Variants in FGGY observed in about 807,000 individuals in gnomAD.
FGGY encodes the protein FGGY carbohydrate kinase domain-containing protein.
FGGY carries 72 observed loss-of-function variants against 71.3 expected under a neutral mutation model. The ratio of observed to expected loss-of-function variants is 1.01; its 90% confidence interval spans 0.84 to 1.23. The LOEUF (loss-of-function observed/expected upper bound fraction) is 1.23, where lower values mean the gene tolerates loss of function less well. Among genes scored for constraint, FGGY ranks in the 50% most tolerant of loss-of-function variants. The probability of loss-of-function intolerance (pLI) is 0.00; values close to 1 mark genes in which losing one functional copy is unlikely to be tolerated. For missense variants in FGGY, 668 were observed against 682.3 expected, an observed-to-expected ratio of 0.98 and a Z score of 0.23; for synonymous variants, 251 against 250.3, an observed-to-expected ratio of 1.00 and a Z score of -0.02.
intron 10 of FGGY, among the ~76,000 whole-genome samples, chr1:59,636,679 GA>G (rs1212581881): frequency 1.3e-5 from 2 of 151,718 alleles, no homozygotes; most frequent in African/African-American, 2.4e-5. Context: ...GGTAAATGGG[GA>G]AAAAAAGAGA....
In FGGY at chr1:59,346,535, A is replaced by G. The variant is rs1042629369; in HGVS notation, c.465+137A>G. The stretch of plus-strand genomic sequence containing the variant: ...AGCAACTAGGAGGAAGGTTGATCCC[A>G]TTTTATTGATTACAGTGTAGTTAAA... On this transcript the variant is annotated intron_variant, in intron 4 of 15. Transcript: ENST00000303721. 4.3e-6 allele frequency: 4 copies of G among 924,094 alleles called. No individual in the cohort carries two copies. The African/African-American group carries it at 6.7e-5, about 15-fold the overall frequency. The allele number at this position is 924,094 out of a possible 1,614,324, so 57.2% of individuals were successfully genotyped here.
intron 5 of FGGY, among the ~76,000 whole-genome samples, chr1:59,435,495 C>T (rs867578864): frequency 4.2e-4 from 64 of 152,268 alleles, no homozygotes; most frequent in African/African-American, 1.5e-3. Context: ...CCTCTCTTGC[C>T]AGCCTTGCCC....
intron 8 of FGGY, among the ~76,000 whole-genome samples, chr1:59,591,125 A>T (rs2096426738): frequency 6.6e-6 from 1 of 151,640 alleles, no homozygotes; most frequent in South Asian, 2.1e-4. Flanking sequence ...AAAAATCACA[A>T]GCATTCTTAT....
chr1:59,478,272 A>AT (rs2093344967), intron 6 of FGGY, among the ~76,000 whole-genome samples: 2 of 152,176 alleles, frequency 1.3e-5, no homozygotes, highest in Admixed American at 1.3e-4. Context: ...CGTGGGTATC[A>AT]TGTGGAGTAA....
At chr1:59,328,984 GA>G (rs1421104215) in intron 2 of FGGY, among the ~76,000 whole-genome samples, 3 of 152,162 alleles carry the variant, frequency 2.0e-5, no homozygotes, top group Non-Finnish European at 4.4e-5. Context: ...ATGAAAGTTT[GA>G]AATATTATTA....
intron 6 of FGGY, among the ~76,000 whole-genome samples, chr1:59,507,139 G>T (rs150165845): frequency 2.0e-5 from 3 of 152,314 alleles, no homozygotes; most frequent in African/African-American, 4.8e-5. Context: ...AGGGAAGTGA[G>T]GTACAGAAAA....
intron 5 of FGGY, among the ~76,000 whole-genome samples, chr1:59,448,812 T>C (rs2071948501): frequency 6.6e-6 from 1 of 152,116 alleles, no homozygotes; most frequent in Non-Finnish European, 1.5e-5. Context: ...AGAAATAAAA[T>C]AAAATAATAA....
At chr1:59,546,766 C>T (rs1482807941) in intron 7 of FGGY, among the ~76,000 whole-genome samples, 7 of 151,774 alleles carry the variant, frequency 4.6e-5, no homozygotes, top group Non-Finnish European at 1.0e-4. Flanking sequence ...AGGATGGTCT[C>T]GATCTCCTGA....
chr1:59,729,242 G>A (rs1382544273), intron 14 of FGGY, among the ~76,000 whole-genome samples: 1 of 150,902 alleles, frequency 6.6e-6, no homozygotes, highest in Non-Finnish European at 1.5e-5. Flanking sequence ...TACTTTTTTA[G>A]CATTTTCGTC....
At position 59,762,579 on chromosome 1, in the gene FGGY, G is replaced by A. The variant is rs751739698; in HGVS notation, c.1651G>A (p.Asp551Asn). 3.8e-5 allele frequency: 61 copies of A among 1,613,300 alleles called. No individual in the cohort carries two copies. Among genetic ancestry groups the A allele is most frequent in the Non-Finnish European group, 5.1e-5 (60 of 1,179,550 alleles). The change falls in exon 16 of 16, where the codon GAC (aspartate) becomes AAC (asparagine). Residue 551 changes from aspartate (D) to asparagine (N), a missense_variant. Around this residue, in one of 2 missense-constraint regions of FGGY, gnomAD observed 661 missense variants for 661.6 expected, o/e 1.00. Coordinates refer to ENST00000303721, the MANE Select transcript of FGGY (RefSeq NM_018291.5). ...GGAGTATTTGGCGATCATGAATGAT[G>A]ACTGAACAGGGCTTGCAGGTGCTGA... ...QKEYLAIMNDD is the reference protein window; with the variant it reads ...QKEYLAIMNDN
At chr1:59,690,603 G>C (rs900846443) in intron 14 of FGGY, among the ~76,000 whole-genome samples, 3 of 152,178 alleles carry the variant, frequency 2.0e-5, no homozygotes, top group African/African-American at 7.2e-5. Flanking sequence ...ACTCAAGTGT[G>C]AGCTTCCATA....
intron 6 of FGGY, among the ~76,000 whole-genome samples, chr1:59,461,683 C>T (rs547009849): frequency 1.3e-5 from 2 of 152,180 alleles, no homozygotes; most frequent in East Asian, 3.9e-4. Context: ...TCACATTACC[C>T]ACAAAGGAAA....
chr1:59,410,598 T>G, intron 5 of FGGY, among the ~76,000 whole-genome samples: 1 of 147,302 alleles, frequency 6.8e-6, no homozygotes, highest in Non-Finnish European at 1.5e-5. Flanking sequence ...ATGCCCATAG[T>G]GAAAAAGTAA....
chr1:59,375,071 T>TAA (rs369481865), intron 4 of FGGY, among the ~76,000 whole-genome samples: 1 of 140,266 alleles, frequency 7.1e-6, no homozygotes, highest in African/African-American at 2.6e-5. Context: ...ATAATAATAA[T>TAA]AAAAAAAAAT....
chr1:59,495,128 G>T (rs546116174), intron 6 of FGGY, among the ~76,000 whole-genome samples: 1 of 152,006 alleles, frequency 6.6e-6, no homozygotes, highest in Non-Finnish European at 1.5e-5. Context: ...TTTGTTGGTT[G>T]TATGTCTTCT....
intron 2 of FGGY, among the ~76,000 whole-genome samples, chr1:59,322,278 CT>C (rs779225811): frequency 0.013 from 1,598 of 127,218 alleles, 8 homozygotes; most frequent in South Asian, 0.031. Flanking sequence ...GAGGTGCGCT[CT>C]TTTTTTTTTT....
intron 7 of FGGY, among the ~76,000 whole-genome samples, chr1:59,541,086 T>C (rs1353554220): frequency 1.3e-5 from 2 of 152,198 alleles, no homozygotes; most frequent in Non-Finnish European, 2.9e-5. Flanking sequence ...TTGATGTCTT[T>C]AACAGTGAGC....
At chr1:59,484,998 TA>T (rs1157823987) in intron 6 of FGGY, among the ~76,000 whole-genome samples, 7 of 152,104 alleles carry the variant, frequency 4.6e-5, no homozygotes, top group Non-Finnish European at 5.9e-5. Flanking sequence ...ATCACACCCA[TA>T]GGGGGGATGT....
At chr1:59,502,707 G>A (rs1369386053) in intron 6 of FGGY, among the ~76,000 whole-genome samples, 3 of 152,154 alleles carry the variant, frequency 2.0e-5, no homozygotes, top group Non-Finnish European at 2.9e-5. Context: ...TGAGTCAGGA[G>A]CTCTGGATTC....
Sources: gnomAD v4.1 joint callset for allele counts (sites outside exome capture counted in the v4.1 genomes callset) on GRCh38, gnomAD v4.1.1 for gene constraint, gnomAD v4.1.1 regional missense constraint, MANE v1.5 for transcripts, NCBI Gene and HGNC (gene_info 2026-07-23, HGNC 2026-07-21) for gene names.